ZFP1: variants seen among roughly 807,000 people sequenced by gnomAD.
ZFP1 encodes the protein zinc finger protein 1 homolog.
ZFP1 carries 32 observed loss-of-function variants against 38.5 expected under a neutral mutation model. That is an observed-to-expected ratio of 0.83 (90% CI 0.63 to 1.12). ZFP1 has a LOEUF of 1.12. ZFP1 is among the 50% of genes most tolerant of loss of function. ZFP1 has a pLI of 0.00. For missense variants in ZFP1, 616 were observed against 480.8 expected (o/e 1.28, Z -2.63); for synonymous variants, 245 against 168.8 (o/e 1.45, Z -3.50).
At chr16:75,153,975 C>T (rs537949556) in intron 2 of ZFP1, among the ~76,000 whole-genome samples, 1 of 152,242 alleles carries the variant, frequency 6.6e-6, no homozygotes, top group East Asian at 1.9e-4. Context: ...AGATTGGTTT[C>T]CTTCACTTAG....
chr16:75,152,163 C>T (rs9939401), intron 1 of ZFP1, among the ~76,000 whole-genome samples: 119,620 of 152,132 alleles, frequency 0.79, 48,116 homozygotes, highest in Non-Finnish European at 0.87. Flanking sequence ...TGTTTGGATA[C>T]GATGTGTCCA....
chr16:75,141,748 A>C, the ZFP1 span, among the ~76,000 whole-genome samples: 83 of 151,750 alleles, frequency 5.5e-4, 5 homozygotes. Context: ...AATTTAAAAA[A>C]AAAAAAAGAG....
At chr16:75,161,141 C>G (rs146371418) in intron 2 of ZFP1, among the ~76,000 whole-genome samples, 41 of 152,226 alleles carry the variant, frequency 2.7e-4, no homozygotes, top group Non-Finnish European at 4.1e-4. Flanking sequence ...CATCTTGGCT[C>G]ACTGCCACCT....
intron 2 of ZFP1, among the ~76,000 whole-genome samples, chr16:75,158,873 G>C (rs1219606080): frequency 6.7e-6 from 1 of 149,848 alleles, no homozygotes; most frequent in African/African-American, 2.4e-5. Context: ...GCTCCTTTTG[G>C]GTTGTTTATC....
At chr16:75,140,958 C>CA in the ZFP1 span, among the ~76,000 whole-genome samples, 4 of 151,706 alleles carry the variant, frequency 2.6e-5, no homozygotes, top group African/African-American at 7.3e-5. Flanking sequence ...GACTCCATCT[C>CA]AAAAAAACAC....
chr16:75,166,893 G>T lies in ZFP1; in HGVS notation c.139G>T (p.Val47Leu). Residue 47 changes from valine to leucine, a missense_variant, in exon 3 of 4, where the codon GTG (valine) becomes TTG (leucine). Physicochemically the swap from Val to Leu is conservative, Grantham distance 32 (BLOSUM62 1). Coordinates refer to ENST00000570010, the MANE Select transcript of ZFP1 (RefSeq NM_153688.4). ...MLENYSNLLS[V>L]EVWKADDQME... ...GGAGAATTATAGCAACTTACTTTCA[G>T]TGGGTAAGGACGGTTTTCAGGTACA... The T allele has an allele frequency of 6.2e-7, 1 of 1,613,738 alleles. No homozygotes were observed. The highest frequency in any genetic ancestry group is 1.1e-5 in the South Asian group (1 of 91,062).
At chr16:75,135,070 A>G in the ZFP1 span, among the ~76,000 whole-genome samples, 1 of 151,682 alleles carries the variant, frequency 6.6e-6, no homozygotes, top group African/African-American at 2.4e-5. Context: ...AAAAACAAAA[A>G]AAACTAGCTG....
At chr16:75,167,645 G>C (rs1413332596) in intron 3 of ZFP1, among the ~76,000 whole-genome samples, 1 of 152,074 alleles carries the variant, frequency 6.6e-6, no homozygotes, top group Non-Finnish European at 1.5e-5. Flanking sequence ...TGTCACCCAG[G>C]CTAGAATCCA....
At chr16:75,151,868 G>C (rs1597037124) in intron 1 of ZFP1, among the ~76,000 whole-genome samples, 1 of 152,010 alleles carries the variant, frequency 6.6e-6, no homozygotes, top group African/African-American at 2.4e-5. Flanking sequence ...TTCTAGTGCA[G>C]GTCTACTGAT....
At chr16:75,144,015 C>G (rs1276763853), upstream of ZFP1, 1 of 152,168 alleles carries the variant, frequency 6.6e-6, no homozygotes, top group Admixed American at 6.5e-5. Flanking sequence ...ACATTTAGAA[C>G]CTCTGCATGA....
chr16:75,169,274 A>T lies in ZFP1; in HGVS notation c.164A>T (p.Gln55Leu). ...LSVEVWKADD[Q>L]MERDHRNPDE... ...CTAGAAGTGTGGAAGGCTGATGACCAGATGGAGAGAGACCACAGAAACCCA... is the reference window on the plus strand; with the variant it reads ...CTAGAAGTGTGGAAGGCTGATGACCTGATGGAGAGAGACCACAGAAACCCA... The change falls in exon 4 of 4, where the codon CAG becomes CTG. Residue 55 changes from glutamine (Q) to leucine (L), a missense_variant. Transcript: ENST00000570010. The T allele has an allele frequency of 6.2e-7, 1 of 1,610,990 alleles. No individual in the cohort carries two copies. The highest frequency in any genetic ancestry group is 2.2e-5 in the East Asian group (1 of 44,872).
chr16:75,162,077 G>A (rs2037819429), intron 2 of ZFP1, among the ~76,000 whole-genome samples: 1 of 151,526 alleles, frequency 6.6e-6, no homozygotes, highest in African/African-American at 2.4e-5. Flanking sequence ...GAACCACCGT[G>A]CCCAGCCGAA....
the ZFP1 span, among the ~76,000 whole-genome samples, chr16:75,134,531 T>A: frequency 0.017 from 2,342 of 137,442 alleles, 27 homozygotes; most frequent in Middle Eastern, 0.045. Context: ...CCGAGGCGGG[T>A]GGATCACAAG....
the ZFP1 span, among the ~76,000 whole-genome samples, chr16:75,124,349 AG>A: frequency 3.3e-5 from 5 of 150,762 alleles, no homozygotes; most frequent in East Asian, 1.1e-3. Flanking sequence ...TAGTAGAGAC[AG>A]GGTTTTGCCA....
the ZFP1 span, among the ~76,000 whole-genome samples, chr16:75,121,984 C>G: frequency 6.6e-6 from 1 of 152,152 alleles, no homozygotes; most frequent in African/African-American, 2.4e-5. Context: ...GGTTACAAAA[C>G]TGTATACCCA....
chr16:75,121,764 C>T, the ZFP1 span, among the ~76,000 whole-genome samples: 1 of 152,108 alleles, frequency 6.6e-6, no homozygotes, highest in African/African-American at 2.4e-5. Flanking sequence ...GAATGAAATG[C>T]TTTATCAGGA....
rs2037000541 is a variant in ZFP1 at position 75,148,583 on chromosome 16, G to C, written c.-104G>C. 6.6e-6 allele frequency: 1 copy of C among 152,276 alleles called. No individual in the cohort carries two copies. The highest frequency in any genetic ancestry group is 1.5e-5 in the Non-Finnish European group (1 of 68,082). 9.4% of individuals were successfully genotyped at this position (152,276 alleles called of 1,614,324 possible). On this transcript the variant is annotated 5_prime_UTR_variant, in exon 1 of 4. Transcript: ENST00000570010. ...AGAGCCCCCGTCTCCGCGCGTCTTC[G>C]CCGCCCTGCGCCGTGACCCGCTGTG... is the stretch of plus-strand genomic sequence containing the variant.
chr16:75,168,793 A>C (rs775818547), intron 3 of ZFP1, among the ~76,000 whole-genome samples: 6 of 152,220 alleles, frequency 3.9e-5, no homozygotes, highest in Non-Finnish European at 7.3e-5. Context: ...TGCTGGTTCT[A>C]CCATAGTAGT....
At chr16:75,138,665 G>A in the ZFP1 span, among the ~76,000 whole-genome samples, 1 of 152,228 alleles carries the variant, frequency 6.6e-6, no homozygotes, top group Non-Finnish European at 1.5e-5. Context: ...TAGAAGAGGT[G>A]AAGAGAAATG....
Sources: gnomAD v4.1 joint callset for allele counts (sites outside exome capture counted in the v4.1 genomes callset) on GRCh38, gnomAD v4.1.1 for gene constraint, MANE v1.5 for transcripts, NCBI Gene and HGNC (gene_info 2026-07-23, HGNC 2026-07-21) for gene names.